ARAP3: variants seen among roughly 807,000 people sequenced by gnomAD.
The protein encoded by ARAP3 is arf-GAP with Rho-GAP domain, ANK repeat and PH domain-containing protein 3.
In ARAP3, 82 loss-of-function variants were observed where a neutral mutation model predicts 169.2. The observed-to-expected ratio is 0.48, with a 90% CI of 0.41 to 0.58. The LOEUF is 0.58. Among genes scored for constraint, ARAP3 ranks in the 20% least tolerant of loss-of-function variants. The probability of loss-of-function intolerance (pLI) is 0.00; values close to 1 mark genes in which losing one functional copy is unlikely to be tolerated. For synonymous variants in ARAP3, 791 were observed against 800.3 expected (o/e 0.99, Z 0.20); for missense variants, 1,764 against 2,018.0 (o/e 0.87, Z 2.41).
chr5:141,661,655 G>C (rs1472530476), intron 21 of ARAP3, 29 bp downstream of exon 21: 2 of 1,582,276 alleles, frequency 1.3e-6, no homozygotes, highest in African/African-American at 2.7e-5. Context: ...AGTGAGGAAG[G>C]GTTCTGCAGA....
chr5:141,662,184 G>A lies in ARAP3; in HGVS notation c.2872C>T (p.Arg958Cys), dbSNP rs766635104. 23 of 1,614,096 alleles carry A rather than the reference G, an allele frequency of 1.4e-5. No homozygotes were observed. The highest frequency in any genetic ancestry group is 1.8e-5 in the Non-Finnish European group (21 of 1,180,056). Residue 958 changes from arginine (R) to cysteine (C), a missense_variant, in exon 20 of 33, where the codon CGT becomes TGT. Arg to Cys is a radical substitution (Grantham distance 180). Transcript: ENST00000239440. The part of the protein sequence containing the change: ...ARSLRLLAEF[R>C]RDARSVKLRP... The stretch of plus-strand genomic sequence containing the variant: ...AGCTTCACCGACCGGGCATCCCGAC[G>A]GAACTCAGCCAGGAGTCTCAGGCTG...
chr5:141,665,120 CG>C (rs1651486107), intron 18 of ARAP3, 35 bp from the exon 19 acceptor site: 1 of 1,591,698 alleles, frequency 6.3e-7, no homozygotes, highest in Non-Finnish European at 8.6e-7. Context: ...GAGCCAGCTC[CG>C]ACAGGCCCAG....
chr5:141,658,070 G>C (rs1206754682), intron 25 of ARAP3, among the ~76,000 whole-genome samples: 2 of 152,120 alleles, frequency 1.3e-5, no homozygotes, highest in Non-Finnish European at 2.9e-5. Context: ...AAGGGCCTAG[G>C]ATTGAGCCGT....
chr5:141,668,288 A>G (rs2154598989), intron 16 of ARAP3, among the ~76,000 whole-genome samples: 1 of 152,116 alleles, frequency 6.6e-6, no homozygotes, highest in South Asian at 2.1e-4. Context: ...TATTTTTTGT[A>G]GAGACAGGGT....
chr5:141,674,288 T>C (rs2099911857), intron 4 of ARAP3, among the ~76,000 whole-genome samples: 1 of 151,926 alleles, frequency 6.6e-6, no homozygotes, highest in African/African-American at 2.4e-5. Context: ...TCTCTCTCTC[T>C]CTCTCTGCTG....
chr5:141,673,528 T>C (rs2099911728), intron 5 of ARAP3, 58 bp from the exon 6 acceptor site: 17 of 1,613,518 alleles, frequency 1.1e-5, no homozygotes, highest in East Asian at 6.7e-5. Context: ...AGGGGGATCA[T>C]AGGGTCTGGG....
chr5:141,672,380 C>T lies in ARAP3; in HGVS notation c.1386-79G>A. On this transcript the variant is annotated intron_variant, in intron 9 of 32. Transcript: ENST00000239440. This position sits in a 1 kb window ranked among gnomAD's most constrained non-coding sequence, Gnocchi z 4.9. Reference sequence around the variant, plus strand: ...CCCCTGGCTCTTCCTGCAGGAGCCACCACAGGCCACACCTGGGGCAGCCCA... The same window carrying T: ...CCCCTGGCTCTTCCTGCAGGAGCCATCACAGGCCACACCTGGGGCAGCCCA... 1 of 1,569,826 alleles carries T rather than the reference C, an allele frequency of 6.4e-7. No homozygotes were observed. Among genetic ancestry groups the T allele is most frequent in the South Asian group, 1.1e-5 (1 of 88,162 alleles).
chr5:141,680,506 G>C lies in ARAP3; in HGVS notation c.-17-3C>G. 6.4e-7 allele frequency: 1 copy of C among 1,568,978 alleles called. No individual in the cohort carries two copies. ...AGCCATGGGGGCTCAGGCCATTGCTGGGGGGAGGGGCAGGGTGAAGGGAGG... is the reference window on the plus strand; with the variant it reads ...AGCCATGGGGGCTCAGGCCATTGCTCGGGGGAGGGGCAGGGTGAAGGGAGG... On this transcript the variant is annotated splice_region_variant and splice_polypyrimidine_tract_variant and intron_variant, in intron 1 of 32. Coordinates refer to ENST00000239440, the MANE Select transcript of ARAP3 (RefSeq NM_022481.6).
rs2099908847 is a variant in ARAP3 at position 141,653,884 on chromosome 5, A to G, written c.*66T>C. On this transcript the variant is annotated 3_prime_UTR_variant, in exon 33 of 33. Coordinates refer to ENST00000239440, the MANE Select transcript of ARAP3 (RefSeq NM_022481.6). ...TTCCAGCCAGGGCAGAGGAAGCTGC[A>G]ACAGTGCCACGATAAGAGTTTCTGG... 6.7e-7 allele frequency: 1 copy of G among 1,503,654 alleles called. No homozygotes were observed. The highest frequency in any genetic ancestry group is 1.4e-5 in the African/African-American group (1 of 71,444). 93.1% of individuals were successfully genotyped at this position (1,503,654 alleles called of 1,614,324 possible). A position where few individuals can be genotyped will look rare whatever the true frequency, so the allele number is the denominator to read the frequency against.
chr5:141,680,084 G>A lies in ARAP3; in HGVS notation c.403C>T (p.Pro135Ser). 6.2e-7 allele frequency: 1 copy of A among 1,613,928 alleles called. No homozygotes were observed. Among genetic ancestry groups the A allele is most frequent in the Non-Finnish European group, 8.5e-7 (1 of 1,179,970 alleles). ...VSRSPEPSPR[P>S]PPLPTSSSEQ... ...GAGGAGGAAGTGGGGAGAGGAGGAG[G>A]CCTTGGGCTGGGCTCTGGGCTCCTG... The change falls in exon 2 of 33, where the codon CCT (proline) becomes TCT (serine). Residue 135 changes from proline (P) to serine (S), a missense_variant. Transcript: ENST00000239440.
Position 141,658,496 on chromosome 5 carries a change from A to G in ARAP3, c.3412-17T>C. ...TGGGGACACCTGGGGTCAGGGCAAG[A>G]GCAGAGAATTCATGCTGGTCAGGCT... On this transcript the variant is annotated splice_polypyrimidine_tract_variant and intron_variant, in intron 24 of 32. Transcript: ENST00000239440. 1.2e-6 allele frequency: 2 copies of G among 1,614,086 alleles called. No homozygotes were observed. Among genetic ancestry groups the G allele is most frequent in the Non-Finnish European group, 1.7e-6 (2 of 1,179,970 alleles).
intron 19 of ARAP3, among the ~76,000 whole-genome samples, chr5:141,663,264 G>A (rs758222381): frequency 1.6e-4 from 25 of 152,168 alleles, no homozygotes; most frequent in Admixed American, 3.3e-4. Flanking sequence ...CAATGGTGGT[G>A]CAGGAACCTT....
rs2099911747 is a variant in ARAP3, at chr5:141,673,621, T to A, written c.886A>T (p.Lys296Ter). The A allele has an allele frequency of 1.2e-6, 2 of 1,613,998 alleles. No homozygotes were observed. The highest frequency in any genetic ancestry group is 1.7e-6 in the Non-Finnish European group (2 of 1,179,932). The part of the protein sequence containing the change: ...LTPLLSGWLD[K>*]LSPQGNYVFQ... Reference sequence around the variant, plus strand: ...AGCACCCACCCCTGAGGGGAGAGCTTGTCTAGCCAGCCACTGAGCAGGGGC... The same window carrying A: ...AGCACCCACCCCTGAGGGGAGAGCTAGTCTAGCCAGCCACTGAGCAGGGGC... The change falls in exon 5 of 33, where the codon AAG (lysine) becomes TAG (stop). Residue 296 changes from lysine to a stop codon, truncating the protein, a stop_gained. Coordinates refer to ENST00000239440, the MANE Select transcript of ARAP3 (RefSeq NM_022481.6). LOFTEE classifies it high-confidence loss of function.
chr5:141,676,142 G>A (rs1049580915), intron 4 of ARAP3, among the ~76,000 whole-genome samples: 9 of 152,180 alleles, frequency 5.9e-5, no homozygotes, highest in South Asian at 2.1e-4. Context: ...GAGGTCAAGA[G>A]GTCGAGACCA....
chr5:141,669,138 A>G (rs2099911103), intron 16 of ARAP3, among the ~76,000 whole-genome samples: 1 of 152,134 alleles, frequency 6.6e-6, no homozygotes, highest in Admixed American at 6.5e-5. Flanking sequence ...CGCCCACCCT[A>G]CAGATGTGGA....
intron 17 of ARAP3, among the ~76,000 whole-genome samples, chr5:141,666,037 T>G (rs2099910583): frequency 9.7e-6 from 1 of 102,650 alleles, no homozygotes; most frequent in African/African-American, 3.7e-5. Context: ...TGACTCTGTC[T>G]CCAAAAAAAA....
At position 141,670,765 on chromosome 5, in the gene ARAP3, G is replaced by T. The variant is rs918252687; in HGVS notation, c.1991-137C>A. 105 of 709,872 alleles carry T rather than the reference G, an allele frequency of 1.5e-4. 1 individual carries two copies. Among genetic ancestry groups the T allele is most frequent in the Non-Finnish European group, 1.7e-5 (7 of 403,242 alleles). 44.0% of individuals were successfully genotyped at this position (709,872 alleles called of 1,614,324 possible). A position where few individuals can be genotyped will look rare whatever the true frequency, so the allele number is the denominator to read the frequency against. ...GCACAGCCAAGTAGAGCCCAATGGA[G>T]CTGGATCCCTCACTACCCAGATTGC... is the stretch of plus-strand genomic sequence containing the variant. On this transcript the variant is annotated intron_variant, in intron 13 of 32. Transcript: ENST00000239440.
chr5:141,670,050 A>T lies in ARAP3; in HGVS notation c.2121T>A (p.Leu707=). 1 of 1,595,534 alleles carries T rather than the reference A, an allele frequency of 6.3e-7. No individual in the cohort carries two copies. ...PRRGRDAPPR[L]WCVLGAALEM... is the part of the protein sequence containing the mutation. ...CCAGAGCTGCTCCCAGCACACACCA[A>T]AGGCGCGGGGGAGCTAAGGCAGAGG... Residue 707 remains leucine (L), a synonymous_variant, in exon 15 of 33, where the codon CTT becomes CTA. Transcript: ENST00000239440.
intron 21 of ARAP3, among the ~76,000 whole-genome samples, chr5:141,661,414 A>G (rs2099909952): frequency 6.6e-6 from 1 of 152,184 alleles, no homozygotes; most frequent in Non-Finnish European, 1.5e-5. Context: ...TCATTACATC[A>G]TCCATTACTT....
Sources: gnomAD v4.1 joint callset for allele counts (sites outside exome capture counted in the v4.1 genomes callset) on GRCh38, gnomAD v4.1.1 for gene constraint, Gnocchi (gnomAD v3.1) non-coding constraint, MANE v1.5 for transcripts, NCBI Gene and HGNC (gene_info 2026-07-23, HGNC 2026-07-21) for gene names.